The following DOHH variants were observed in gnomAD, a reference collection of about 807,000 sequenced individuals.
DOHH encodes the protein HEAT-like (PBS lyase) repeat containing 1.
In DOHH, 16 loss-of-function variants were observed where a neutral mutation model predicts 19.9. That is an observed-to-expected ratio of 0.80 (90% confidence interval 0.54 to 1.22). The LOEUF (loss-of-function observed/expected upper bound fraction) is 1.22, where lower values mean the gene tolerates loss of function less well. DOHH is among the 50% of genes most tolerant of loss of function. DOHH has a pLI of 0.00. For missense variants in DOHH, 460 were observed against 460.6 expected (o/e 1.00, Z 0.01); for synonymous variants, 233 against 217.0 (o/e 1.07, Z -0.65).
At position 3,492,220 on chromosome 19, in the gene DOHH, C is replaced by T; in HGVS notation, c.589+42G>A. ...CAGATGCCATCACTGAACCTCACAGCGAGGCACTGCCCAGGACCCCACCCC... is the reference window on the plus strand; with the variant it reads ...CAGATGCCATCACTGAACCTCACAGTGAGGCACTGCCCAGGACCCCACCCC... On this transcript the variant is annotated intron_variant, in intron 4 of 4. Coordinates refer to ENST00000427575, the MANE Select transcript of DOHH (RefSeq NM_001145165.2). 2.8e-6 allele frequency: 4 copies of T among 1,410,884 alleles called. 1 individual carries two copies. Among genetic ancestry groups the T allele is most frequent in the East Asian group, 2.8e-5 (1 of 35,874 alleles). 87.4% of individuals were successfully genotyped at this position (1,410,884 alleles called of 1,614,324 possible).
At position 3,492,317 on chromosome 19, in the gene DOHH, G is replaced by A. The variant is rs1163189214; in HGVS notation, c.534C>T (p.Ala178=). ...CTCCCGCGTTGCGCAGGGCGAACAT[G>A]GCGCGGTATCGCTCGAAGAGCGGCC... ...ESRPLFERYR[A]MFALRNAGGE... Residue 178 remains alanine (A), a synonymous_variant, in exon 4 of 5, where the codon GCC becomes GCT. Transcript: ENST00000427575. 6.5e-7 allele frequency: 1 copy of A among 1,541,158 alleles called. No homozygotes were observed. The highest frequency in any genetic ancestry group is 2.0e-5 in the Admixed American group (1 of 51,052).
rs150355140 is a variant in DOHH at position 3,491,184 on chromosome 19, G to T, written c.*308C>A. Reference sequence around the variant, plus strand: ...TGGCTTCCCTCGCGATCCTCCCCTGGCTTCCCTCGCAATCCTCCCCTGTCC... The same window carrying T: ...TGGCTTCCCTCGCGATCCTCCCCTGTCTTCCCTCGCAATCCTCCCCTGTCC... On this transcript the variant is annotated 3_prime_UTR_variant, in exon 5 of 5. Coordinates refer to ENST00000427575, the MANE Select transcript of DOHH (RefSeq NM_001145165.2). This position sits in a 1 kb window ranked among gnomAD's most constrained non-coding sequence, Gnocchi z 5.6. The T allele has an allele frequency of 4.4e-6, 2 of 452,852 alleles. No homozygotes were observed. Among genetic ancestry groups the T allele is most frequent in the Non-Finnish European group, 7.7e-6 (2 of 258,368 alleles). The allele number at this position is 452,852 out of a possible 1,614,324, so 28.1% of individuals were successfully genotyped here. A position where few individuals can be genotyped will look rare whatever the true frequency, so the allele number is the denominator to read the frequency against.
intron 2 of DOHH, among the ~76,000 whole-genome samples, chr19:3,494,617 T>G (rs908820339): frequency 6.6e-6 from 1 of 152,238 alleles, no homozygotes; most frequent in Non-Finnish European, 1.5e-5. Flanking sequence ...CAGGCGCAAG[T>G]GCAGGCGTCG....
chr19:3,492,015 C>A (rs2082873485), intron 4 of DOHH, among the ~76,000 whole-genome samples: 2 of 152,172 alleles, frequency 1.3e-5, no homozygotes, highest in Non-Finnish European at 2.9e-5. Context: ...GACACCCCTG[C>A]CCCCAGCCCC....
Position 3,491,851 on chromosome 19 carries a change from GGGAA to G in DOHH, c.590-44_590-41del. ...GACACTCGCTGGGGCCAGGAGGGGT[GGGAA>G]GGGGAGCTCTGTCTTTTCGAAGACA... On this transcript the variant is annotated intron_variant, in intron 4 of 4. Coordinates refer to ENST00000427575, the MANE Select transcript of DOHH (RefSeq NM_001145165.2). This position sits in a 1 kb window ranked among gnomAD's most constrained non-coding sequence, Gnocchi z 5.6. 7.1e-7 allele frequency: 1 copy of G among 1,411,000 alleles called. No homozygotes were observed. Among genetic ancestry groups the G allele is most frequent in the Non-Finnish European group, 9.2e-7 (1 of 1,082,450 alleles). The allele number at this position is 1,411,000 out of a possible 1,614,324, so 87.4% of individuals were successfully genotyped here.
rs1269015131 is a variant in DOHH at position 3,492,243 on chromosome 19, C to T, written c.589+19G>A. On this transcript the variant is annotated intron_variant, in intron 4 of 4. Transcript: ENST00000427575. The stretch of plus-strand genomic sequence containing the variant: ...AGCGAGGCACTGCCCAGGACCCCAC[C>T]CCAGAAGCCCCTCCTCACCCTCGGC... The T allele has an allele frequency of 9.0e-6, 13 of 1,448,856 alleles. No homozygotes were observed. Among genetic ancestry groups the T allele is most frequent in the Middle Eastern group, 1.8e-4 (1 of 5,550 alleles). 89.8% of individuals were successfully genotyped at this position (1,448,856 alleles called of 1,614,324 possible). A position where few individuals can be genotyped will look rare whatever the true frequency, so the allele number is the denominator to read the frequency against.
At position 3,496,454 on chromosome 19, in the gene DOHH, A is replaced by G. The variant is rs2082907953; in HGVS notation, c.274+87T>C. The G allele has an allele frequency of 2.0e-6, 3 of 1,535,368 alleles. No homozygotes were observed. Among genetic ancestry groups the G allele is most frequent in the Admixed American group, 1.8e-5 (1 of 55,226 alleles). On this transcript the variant is annotated intron_variant, in intron 2 of 4. Coordinates refer to ENST00000427575, the MANE Select transcript of DOHH (RefSeq NM_001145165.2). This position sits in a 1 kb window ranked among gnomAD's most constrained non-coding sequence, Gnocchi z 4.8. ...GGGGCAGTTGACCACTCTGATATTT[A>G]TCACCTGAGTGAGGAAGGGGACACG...
chr19:3,494,804 CT>C (rs2082896591), intron 2 of DOHH, among the ~76,000 whole-genome samples: 1 of 152,244 alleles, frequency 6.6e-6, no homozygotes, highest in Non-Finnish European at 1.5e-5. Context: ...GGCAGGCTCC[CT>C]CTGCCGGGAA....
chr19:3,496,476 C>A lies in DOHH; in HGVS notation c.274+65G>T. On this transcript the variant is annotated intron_variant, in intron 2 of 4. Coordinates refer to ENST00000427575, the MANE Select transcript of DOHH (RefSeq NM_001145165.2). The surrounding 1 kb of genome is among the most constrained non-coding windows in gnomAD (Gnocchi z 4.8). Reference sequence around the variant, plus strand: ...TTTATCACCTGAGTGAGGAAGGGGACACGTGGGGTCATGAAGAAGTGAGGC... The same window carrying A: ...TTTATCACCTGAGTGAGGAAGGGGAAACGTGGGGTCATGAAGAAGTGAGGC... 1 of 1,561,742 alleles carries A rather than the reference C, an allele frequency of 6.4e-7. No individual in the cohort carries two copies. The highest frequency in any genetic ancestry group is 1.2e-5 in the South Asian group (1 of 85,368).
At position 3,496,764 on chromosome 19, in the gene DOHH, G is replaced by T; in HGVS notation, c.51C>A (p.Pro17=). 6.2e-7 allele frequency: 1 copy of T among 1,607,818 alleles called. No homozygotes were observed. Reference sequence around the variant, plus strand: ...GGAAGCGGGCCTGCAGGGGCTGCTTGGGGTCCACCAGCGTCTGCCCGATGG... The same window carrying T: ...GGAAGCGGGCCTGCAGGGGCTGCTTTGGGTCCACCAGCGTCTGCCCGATGG... ...VDAIGQTLVD[P]KQPLQARFRA... is the part of the protein sequence containing the mutation. The change falls in exon 2 of 5, where the codon CCC becomes CCA. Residue 17 remains proline (P), a synonymous_variant. Coordinates refer to ENST00000427575, the MANE Select transcript of DOHH (RefSeq NM_001145165.2). The surrounding 1 kb of genome is among the most constrained non-coding windows in gnomAD (Gnocchi z 4.8).
In DOHH at chr19:3,491,615, C is replaced by T. The variant is rs750403522; in HGVS notation, c.786G>A (p.Ala262=). ...CACGCACCACGCGCTCTGGGTCGTC[C>T]GCGTGAGCCTGCAGCGCGGCCAGGC... The part of the protein sequence containing the change: ...PACLAALQAH[A]DDPERVVRES... Residue 262 remains alanine, a synonymous_variant, in exon 5 of 5, where the codon GCG becomes GCA. Transcript: ENST00000427575. The surrounding 1 kb of genome is among the most constrained non-coding windows in gnomAD (Gnocchi z 5.6). The T allele has an allele frequency of 3.9e-6, 6 of 1,535,556 alleles. No homozygotes were observed. Among genetic ancestry groups the T allele is most frequent in the African/African-American group, 1.4e-5 (1 of 73,080 alleles).
At chr19:3,498,317 G>A (rs1192054044) in intron 1 of DOHH, among the ~76,000 whole-genome samples, 3 of 152,156 alleles carry the variant, frequency 2.0e-5, no homozygotes, top group Admixed American at 2.0e-4. Flanking sequence ...AAGAGCCAGT[G>A]CCCTCATACA....
Position 3,491,306 on chromosome 19 carries a change from G to A in DOHH, c.*186C>T. 1 of 645,536 alleles carries A rather than the reference G, an allele frequency of 1.5e-6. No individual in the cohort carries two copies. Among genetic ancestry groups the A allele is most frequent in the East Asian group, 2.8e-5 (1 of 35,114 alleles). 40.0% of individuals were successfully genotyped at this position (645,536 alleles called of 1,614,324 possible). A position where few individuals can be genotyped will look rare whatever the true frequency, so the allele number is the denominator to read the frequency against. ...GCCAGGCCCCGAGGAGCAGTCAGGG[G>A]ACTCAGGGAGTCACAGCACAACGGC... On this transcript the variant is annotated 3_prime_UTR_variant, in exon 5 of 5. Transcript: ENST00000427575. This position sits in a 1 kb window ranked among gnomAD's most constrained non-coding sequence, Gnocchi z 5.6.
intron 1 of DOHH, among the ~76,000 whole-genome samples, chr19:3,497,502 G>C (rs938084526): frequency 1.3e-5 from 2 of 152,198 alleles, no homozygotes; most frequent in African/African-American, 4.8e-5. Flanking sequence ...ACCTTCAGAT[G>C]ATGCAGCCCC....
At chr19:3,498,629 T>G (rs966992450) in intron 1 of DOHH, among the ~76,000 whole-genome samples, 1 of 152,112 alleles carries the variant, frequency 6.6e-6, no homozygotes. Flanking sequence ...GGTCTCGAAC[T>G]CCCAACCTCA....
rs553950608 is a variant in DOHH at position 3,492,396 on chromosome 19, G to A, written c.455C>T (p.Pro152Leu). 910 of 1,529,612 alleles carry A rather than the reference G, an allele frequency of 5.9e-4. No homozygotes were observed. Among genetic ancestry groups the A allele is most frequent in the Non-Finnish European group, 7.4e-4 (851 of 1,144,954 alleles). 94.8% of individuals were successfully genotyped at this position (1,529,612 alleles called of 1,614,324 possible). The change falls in exon 4 of 5, where the codon CCG becomes CTG. Residue 152 changes from proline (P) to leucine (L), a missense_variant. Transcript: ENST00000427575. ...GPYLSVDPAP[P>L]AEERDVGRLR... ...GCGCCCCACGTCACGCTCCTCAGCC[G>A]GCGGGGCAGGGTCCACGGAGAGGTA... is the stretch of plus-strand genomic sequence containing the variant.
At position 3,496,600 on chromosome 19, in the gene DOHH, G is replaced by A. The variant is rs1409439716; in HGVS notation, c.215C>T (p.Pro72Leu). The A allele has an allele frequency of 1.9e-6, 3 of 1,613,854 alleles. No individual in the cohort carries two copies. Among genetic ancestry groups the A allele is most frequent in the Non-Finnish European group, 2.5e-6 (3 of 1,180,038 alleles). ...GTCTTGCAGCACGTCCACCAGCATG[G>A]GGATGGCGCGGGCATCCTGCATCTG... Reference protein sequence around the residue: ...LGQMQDARAIPMLVDVLQDTR... With the variant: ...LGQMQDARAILMLVDVLQDTR... Residue 72 changes from proline to leucine, a missense_variant, in exon 2 of 5, where the codon CCC (proline) becomes CTC (leucine). Coordinates refer to ENST00000427575, the MANE Select transcript of DOHH (RefSeq NM_001145165.2). This position sits in a 1 kb window ranked among gnomAD's most constrained non-coding sequence, Gnocchi z 4.8.
intron 1 of DOHH, among the ~76,000 whole-genome samples, chr19:3,499,813 C>T (rs903256100): frequency 7.9e-5 from 12 of 152,166 alleles, no homozygotes; most frequent in Admixed American, 2.6e-4. Context: ...GTGACAATAG[C>T]AGCTGACACT....
Position 3,492,275 on chromosome 19 carries a change from C to T in DOHH, c.576G>A (p.Leu192=). The part of the protein sequence containing the change: ...LRNAGGEEAA[L]ALAEGLHCGS... The stretch of plus-strand genomic sequence containing the variant: ...GCCCCTCCTCACCCTCGGCCAGCGC[C>T]AGGGCGGCCTCCTCGCCTCCCGCGT... Residue 192 remains leucine, a synonymous_variant, in exon 4 of 5, where the codon CTG becomes CTA. Transcript: ENST00000427575. 6.7e-7 allele frequency: 1 copy of T among 1,487,812 alleles called. No homozygotes were observed. Among genetic ancestry groups the T allele is most frequent in the Non-Finnish European group, 8.9e-7 (1 of 1,129,116 alleles). 92.2% of individuals were successfully genotyped at this position (1,487,812 alleles called of 1,614,324 possible).
Sources: gnomAD v4.1 joint callset for allele counts (sites outside exome capture counted in the v4.1 genomes callset) on GRCh38, gnomAD v4.1.1 for gene constraint, Gnocchi (gnomAD v3.1) non-coding constraint, MANE v1.5 for transcripts, NCBI Gene and HGNC (gene_info 2026-07-23, HGNC 2026-07-21) for gene names.